DBP: variants seen among roughly 807,000 people sequenced by gnomAD.
DBP encodes the protein D site-binding protein.
In DBP, 12 loss-of-function variants were observed where a neutral mutation model predicts 21.4. The observed-to-expected ratio is 0.56, with a 90% CI of 0.36 to 0.91. The LOEUF (loss-of-function observed/expected upper bound fraction) is 0.91. DBP is among the 40% of genes least tolerant of loss of function. The pLI is 0.01. For missense variants in DBP, 423 were observed against 473.4 expected, an observed-to-expected ratio of 0.89 and a Z score of 0.99; for synonymous variants, 213 against 224.9, an observed-to-expected ratio of 0.95 and a Z score of 0.47.
At chr19:48,633,703 G>A (rs1376782742) in intron 2 of DBP, 48 bp from the exon 3 acceptor site, 11 of 1,524,600 alleles carry the variant, frequency 7.2e-6, no homozygotes, top group East Asian at 2.3e-5. Context: ...TAAGGAGGGG[G>A]TTTCCTGAAG....
At chr19:48,633,055 G>A (rs148619994) in intron 3 of DBP, 25 of 417,060 alleles carry the variant, frequency 6.0e-5, no homozygotes, top group African/African-American at 2.4e-4. Context: ...GTGCAGTGGT[G>A]TAATCTTGGC....
At chr19:48,635,329 C>T in intron 2 of DBP, 1 of 1,292,512 alleles carries the variant, frequency 7.7e-7, no homozygotes, top group East Asian at 4.5e-5. Flanking sequence ...CACAGAAAAA[C>T]CCACAAAATC....
chr19:48,630,320 G>C lies in DBP; in HGVS notation c.*517C>G. 7.7e-7 allele frequency: 1 copy of C among 1,306,020 alleles called. No homozygotes were observed. The highest frequency in any genetic ancestry group is 9.7e-7 in the Non-Finnish European group (1 of 1,028,354). 80.9% of individuals were successfully genotyped at this position (1,306,020 alleles called of 1,614,324 possible). A position where few individuals can be genotyped will look rare whatever the true frequency, so the allele number is the denominator to read the frequency against. ...GGGGGCGGGGAAATTCATATCCCCT[G>C]TTCGTCTCATGCGCGTCCTCCGTCC... On this transcript the variant is annotated 3_prime_UTR_variant, in exon 4 of 4. Transcript: ENST00000222122. This position sits in a 1 kb window ranked among gnomAD's most constrained non-coding sequence, Gnocchi z 4.9.
chr19:48,632,753 G>C (rs1163764453), intron 3 of DBP: 1 of 152,914 alleles, frequency 6.5e-6, no homozygotes, highest in African/African-American at 2.4e-5. Context: ...AGGAAACAAG[G>C]CCTAAAGGGG....
intron 1 of DBP, among the ~76,000 whole-genome samples, chr19:48,636,251 AAGAC>A (rs1402300038): frequency 1.3e-5 from 2 of 152,030 alleles, no homozygotes; most frequent in Non-Finnish European, 2.9e-5. Context: ...GACACACAGA[AAGAC>A]AGCGAACCAG....
Position 48,635,807 on chromosome 19 carries a change from G to A in DBP, c.323C>T (p.Thr108Met), listed in dbSNP as rs2030766169. 2.1e-6 allele frequency: 3 copies of A among 1,434,280 alleles called. No homozygotes were observed. The highest frequency in any genetic ancestry group is 2.8e-5 in the South Asian group (2 of 70,920). The allele number at this position is 1,434,280 out of a possible 1,614,324, so 88.8% of individuals were successfully genotyped here. Residue 108 changes from threonine to methionine, a missense_variant, in exon 2 of 4, where the codon ACG (threonine) becomes ATG (methionine). Thr to Met is a moderately conservative substitution (Grantham distance 81). Around this residue, in one of 4 missense-constraint regions of DBP, gnomAD observed 283 missense variants for 273.7 expected, o/e 1.03. Coordinates refer to ENST00000222122, the MANE Select transcript of DBP (RefSeq NM_001352.5). ...GTACTCCACATCGCCGAACGGCAGC[G>A]TGCGCTCCCACAGCAGTGGCGCCAA... is the stretch of plus-strand genomic sequence containing the variant. Reference protein sequence around the residue: ...GLLAPLLWERTLPFGDVEYVD... With the variant: ...GLLAPLLWERMLPFGDVEYVD...
chr19:48,636,282 G>A (rs2030794107), intron 1 of DBP, among the ~76,000 whole-genome samples: 1 of 152,104 alleles, frequency 6.6e-6, no homozygotes, highest in African/African-American at 2.4e-5. Flanking sequence ...AGAGACGGAA[G>A]TTCAGGAATA....
chr19:48,635,698 G>C lies in DBP; in HGVS notation c.432C>G (p.Pro144=), dbSNP rs1055964875. The stretch of plus-strand genomic sequence containing the variant: ...CTGGGGAGGGTGCGGGCGTCCGCGC[G>C]GGCGACGGCTCCGGCGACGGGCCAC... ...PPGGPSPEPS[P]ARTPAPSPGP... The change falls in exon 2 of 4, where the codon CCC becomes CCG. Residue 144 remains proline (P), a synonymous_variant. Coordinates refer to ENST00000222122, the MANE Select transcript of DBP (RefSeq NM_001352.5). The C allele has an allele frequency of 7.6e-7, 1 of 1,322,520 alleles. No individual in the cohort carries two copies. The highest frequency in any genetic ancestry group is 9.6e-7 in the Non-Finnish European group (1 of 1,044,568). 81.9% of individuals were successfully genotyped at this position (1,322,520 alleles called of 1,614,324 possible). A position where few individuals can be genotyped will look rare whatever the true frequency, so the allele number is the denominator to read the frequency against.
In DBP at chr19:48,635,953, A is replaced by G; in HGVS notation, c.177T>C (p.Pro59=). The change falls in exon 2 of 4, where the codon CCT becomes CCC. Residue 59 remains proline (P), a synonymous_variant. Coordinates refer to ENST00000222122, the MANE Select transcript of DBP (RefSeq NM_001352.5). ...LKEKERKAAL[P]AATTPGPGLE... ...GGCCTGGCCCAGGGGTTGTGGCTGC[A>G]GGCAGGGCCGCCTTGCGCTCCTTTT... is the stretch of plus-strand genomic sequence containing the variant. 1 of 1,525,864 alleles carries G rather than the reference A, an allele frequency of 6.6e-7. No homozygotes were observed. Among genetic ancestry groups the G allele is most frequent in the South Asian group, 1.2e-5 (1 of 83,960 alleles). 94.5% of individuals were successfully genotyped at this position (1,525,864 alleles called of 1,614,324 possible).
chr19:48,637,270 G>T lies in DBP; in HGVS notation c.-276C>A. 2.7e-6 allele frequency: 1 copy of T among 376,376 alleles called. No homozygotes were observed. The highest frequency in any genetic ancestry group is 9.6e-5 in the South Asian group (1 of 10,464). The allele number at this position is 376,376 out of a possible 1,614,324, so 23.3% of individuals were successfully genotyped here. ...AGCGGTCGGCTCTTTGCAACCGAGG[G>T]TGAGAGGGGACTCAAGGCGCTCCTT... On this transcript the variant is annotated 5_prime_UTR_variant, in exon 1 of 4. Coordinates refer to ENST00000222122, the MANE Select transcript of DBP (RefSeq NM_001352.5).
At position 48,630,508 on chromosome 19, in the gene DBP, G is replaced by A. The variant is rs900115414; in HGVS notation, c.*329C>T. 1.5e-5 allele frequency: 23 copies of A among 1,531,330 alleles called. No individual in the cohort carries two copies. Among genetic ancestry groups the A allele is most frequent in the Non-Finnish European group, 1.8e-5 (21 of 1,144,892 alleles). The allele number at this position is 1,531,330 out of a possible 1,614,324, so 94.9% of individuals were successfully genotyped here. A position where few individuals can be genotyped will look rare whatever the true frequency, so the allele number is the denominator to read the frequency against. On this transcript the variant is annotated 3_prime_UTR_variant, in exon 4 of 4. Coordinates refer to ENST00000222122, the MANE Select transcript of DBP (RefSeq NM_001352.5). This position sits in a 1 kb window ranked among gnomAD's most constrained non-coding sequence, Gnocchi z 4.9. ...TGGACGACAGCCCGGAGCTGCCCAC[G>A]GGCTGCAGCCAGTATGCCAGGGAGC...
In DBP at chr19:48,633,540, G is replaced by C. The variant is rs770169420; in HGVS notation, c.666C>G (p.Thr222=). 1.9e-6 allele frequency: 3 copies of C among 1,614,226 alleles called. No individual in the cohort carries two copies. Among genetic ancestry groups the C allele is most frequent in the African/African-American group, 2.7e-5 (2 of 75,062 alleles). ...AGAAGCGATGTCTTCGAGGGTCAAA[G>C]GTCTCGTGGCCAGGAATGCTTGATA... The part of the protein sequence containing the change: ...LALSSIPGHE[T]FDPRRHRFSE... Residue 222 remains threonine (T), a synonymous_variant, in exon 3 of 4, where the codon ACC becomes ACG. Coordinates refer to ENST00000222122, the MANE Select transcript of DBP (RefSeq NM_001352.5).
intron 1 of DBP, among the ~76,000 whole-genome samples, chr19:48,636,587 G>A (rs529172857): frequency 6.6e-5 from 10 of 152,140 alleles, no homozygotes; most frequent in Admixed American, 3.9e-4. Context: ...AGGAAGAGGA[G>A]GCTGGGGCCT....
chr19:48,637,093 CA>C lies in DBP; in HGVS notation c.-100del. 1.7e-6 allele frequency: 2 copies of C among 1,174,178 alleles called. No homozygotes were observed. Among genetic ancestry groups the C allele is most frequent in the East Asian group, 2.8e-5 (1 of 35,404 alleles). 72.7% of individuals were successfully genotyped at this position (1,174,178 alleles called of 1,614,324 possible). On this transcript the variant is annotated 5_prime_UTR_variant, in exon 1 of 4. Coordinates refer to ENST00000222122, the MANE Select transcript of DBP (RefSeq NM_001352.5). Reference sequence around the variant, plus strand: ...CCAGTGGTTTGGACGAGTGTCTGCCCAGGGGCGGGCGAGTGTAGCCTGCAAC... The same window carrying C: ...CCAGTGGTTTGGACGAGTGTCTGCCCGGGGCGGGCGAGTGTAGCCTGCAAC...
Position 48,631,050 on chromosome 19 carries a change from A to G in DBP, c.765T>C (p.Asp255=). The change falls in exon 4 of 4, where the codon GAT becomes GAC. Residue 255 remains aspartate, a splice_region_variant and synonymous_variant. Coordinates refer to ENST00000222122, the MANE Select transcript of DBP (RefSeq NM_001352.5). ...RKIQVPEEQK[D]EKYWSRRYKN... is the part of the protein sequence containing the mutation. Reference sequence around the variant, plus strand: ...TGTACCGCCGGCTCCAGTATTTCTCATCCTGCAGGAGAAGAGGGGGAGAGC... The same window carrying G: ...TGTACCGCCGGCTCCAGTATTTCTCGTCCTGCAGGAGAAGAGGGGGAGAGC... 1 of 1,611,818 alleles carries G rather than the reference A, an allele frequency of 6.2e-7. No individual in the cohort carries two copies. The highest frequency in any genetic ancestry group is 1.3e-5 in the African/African-American group (1 of 74,750).
At position 48,636,886 on chromosome 19, in the gene DBP, C is replaced by T. The variant is rs200399861; in HGVS notation, c.109G>A (p.Gly37Arg). ...GCCGGCTCTTTGGGCTTGCTGGTCCCCTGCAGAAGGCTCCGCAACCCAAGC... is the reference window on the plus strand; with the variant it reads ...GCCGGCTCTTTGGGCTTGCTGGTCCTCTGCAGAAGGCTCCGCAACCCAAGC... ...ALLGLRSLLQGTSKPKEPASC... is the reference protein window; with the variant it reads ...ALLGLRSLLQRTSKPKEPASC... Residue 37 changes from glycine to arginine, a missense_variant, in exon 1 of 4, where the codon GGG becomes AGG. Around this residue, in one of 4 missense-constraint regions of DBP, gnomAD observed 283 missense variants for 273.7 expected, o/e 1.03. Coordinates refer to ENST00000222122, the MANE Select transcript of DBP (RefSeq NM_001352.5). 2.4e-5 allele frequency: 39 copies of T among 1,608,326 alleles called. No individual in the cohort carries two copies. The highest frequency in any genetic ancestry group is 3.1e-5 in the Non-Finnish European group (37 of 1,177,892).
At position 48,636,031 on chromosome 19, in the gene DBP, G is replaced by T. The variant is rs766800794; in HGVS notation, c.140-41C>A. The T allele has an allele frequency of 2.7e-6, 4 of 1,466,050 alleles. No individual in the cohort carries two copies. The South Asian group carries it at 5.3e-5, about 19-fold the overall frequency. 90.8% of individuals were successfully genotyped at this position (1,466,050 alleles called of 1,614,324 possible). A position where few individuals can be genotyped will look rare whatever the true frequency, so the allele number is the denominator to read the frequency against. ...GACGGGTTGGGATGAGGGTGAGGTG[G>T]GGGAGATAGAGATGGAGAAGAGACC... On this transcript the variant is annotated intron_variant, in intron 1 of 3. Transcript: ENST00000222122.
Position 48,630,839 on chromosome 19 carries a change from A to C in DBP, c.976T>G (p.Ter326GlyextTer89). 1.9e-6 allele frequency: 3 copies of C among 1,587,834 alleles called. No homozygotes were observed. The highest frequency in any genetic ancestry group is 2.6e-6 in the Non-Finnish European group (3 of 1,165,968). The change falls in exon 4 of 4, where the codon TGA (stop) becomes GGA (glycine). Residue 326 changes from the stop codon to glycine, a stop_lost. Transcript: ENST00000222122. The surrounding 1 kb of genome is among the most constrained non-coding windows in gnomAD (Gnocchi z 4.9). ...CCAGGTGGGGATGTGGGGCAGCCTC[A>C]CAGGGCCCCGTGCTGGGCCTGGTAT... ...SRYQAQHGAL[*>G]
Position 48,635,752 on chromosome 19 carries a change from G to A in DBP, c.378C>T (p.His126=). The A allele has an allele frequency of 4.3e-6, 6 of 1,385,404 alleles. No homozygotes were observed. Among genetic ancestry groups the A allele is most frequent in the Non-Finnish European group, 4.6e-6 (5 of 1,076,084 alleles). The allele number at this position is 1,385,404 out of a possible 1,614,324, so 85.8% of individuals were successfully genotyped here. Residue 126 remains histidine (H), a synonymous_variant, in exon 2 of 4, where the codon CAC becomes CAT. Coordinates refer to ENST00000222122, the MANE Select transcript of DBP (RefSeq NM_001352.5). ...GGGGCGGCGGGCTGGGCGGGAGCCC[G>A]TGCTCCAGCAGGAAGGCGTCCAGGT... ...YVDLDAFLLE[H]GLPPSPPPPG...
Sources: gnomAD v4.1 joint callset for allele counts (sites outside exome capture counted in the v4.1 genomes callset) on GRCh38, gnomAD v4.1.1 for gene constraint, gnomAD v4.1.1 regional missense constraint, Gnocchi (gnomAD v3.1) non-coding constraint, MANE v1.5 for transcripts, NCBI Gene and HGNC (gene_info 2026-07-23, HGNC 2026-07-21) for gene names.